The following PXDNL variants were observed in gnomAD, a reference collection of about 807,000 sequenced individuals.
PXDNL encodes probable oxidoreductase PXDNL.
PXDNL carries 145 observed loss-of-function variants against 150.8 expected under a neutral mutation model. That is an observed-to-expected ratio of 0.96 (90% CI 0.84 to 1.10). PXDNL has a LOEUF of 1.10. Among genes scored for constraint, PXDNL ranks in the 50% least tolerant of loss-of-function variants. The probability of loss-of-function intolerance (pLI) is 0.00; values close to 1 mark genes in which losing one functional copy is unlikely to be tolerated. For synonymous variants in PXDNL, 757 were observed against 725.7 expected (o/e 1.04, Z -0.69); for missense variants, 2,087 against 1,873.9 (o/e 1.11, Z -2.10).
At chr8:51,421,822 G>A (rs1487012009) in intron 14 of PXDNL, among the ~76,000 whole-genome samples, 1 of 152,174 alleles carries the variant, frequency 6.6e-6, no homozygotes, top group African/African-American at 2.4e-5. Flanking sequence ...TTACAATATG[G>A]ATACATTTTA....
intron 21 of PXDNL, among the ~76,000 whole-genome samples, chr8:51,329,390 G>A (rs1430406129): frequency 6.6e-6 from 1 of 152,108 alleles, no homozygotes; most frequent in African/African-American, 2.4e-5. Flanking sequence ...ACTAAACACA[G>A]CACAACAGTC....
At chr8:51,740,812 A>G (rs2036900082) in intron 1 of PXDNL, among the ~76,000 whole-genome samples, 1 of 152,158 alleles carries the variant, frequency 6.6e-6, no homozygotes, top group South Asian at 2.1e-4. Flanking sequence ...GATGAAGCTA[A>G]CTTGATCACG....
intron 2 of PXDNL, among the ~76,000 whole-genome samples, chr8:51,604,694 T>A (rs7817651): frequency 0.025 from 3,811 of 152,320 alleles, 174 homozygotes; most frequent in African/African-American, 0.087. Flanking sequence ...AATTTAGGCT[T>A]CTAAACAGTT....
chr8:51,617,045 T>C (rs1280229294), intron 2 of PXDNL, among the ~76,000 whole-genome samples: 1 of 152,184 alleles, frequency 6.6e-6, no homozygotes, highest in African/African-American at 2.4e-5. Context: ...TGTACTTACA[T>C]GTATATCTAA....
Position 51,345,817 on chromosome 8 carries a change from A to T in PXDNL, c.4016+16T>A, listed in dbSNP as rs536218034. The T allele has an allele frequency of 2.7e-6, 4 of 1,464,186 alleles. No individual in the cohort carries two copies. The highest frequency in any genetic ancestry group is 3.8e-6 in the Non-Finnish European group (4 of 1,048,220). The allele number at this position is 1,464,186 out of a possible 1,614,324, so 90.7% of individuals were successfully genotyped here. A position where few individuals can be genotyped will look rare whatever the true frequency, so the allele number is the denominator to read the frequency against. ...ATAGTAAGTTGCCTAAAGAAATGAG[A>T]TATTTCTATACATACCTACTTCTTA... On this transcript the variant is annotated intron_variant, in intron 20 of 22. Coordinates refer to ENST00000356297, the MANE Select transcript of PXDNL (RefSeq NM_144651.5).
chr8:51,543,366 A>G (rs116306835), intron 4 of PXDNL, among the ~76,000 whole-genome samples: 2,676 of 152,306 alleles, frequency 0.018, 83 homozygotes, highest in African/African-American at 0.06. Flanking sequence ...GTTGTCTAAA[A>G]AAGGTACTCT....
intron 17 of PXDNL, among the ~76,000 whole-genome samples, chr8:51,387,968 T>A (rs1274959168): frequency 6.6e-6 from 1 of 152,206 alleles, no homozygotes; most frequent in East Asian, 1.9e-4. Context: ...TTTAATGTTA[T>A]TCCCTGTAAA....
In PXDNL at chr8:51,581,914, A is replaced by G. The variant is rs116907438; in HGVS notation, c.308+10713T>C. Among the ~76,000 whole-genome samples the G allele has an allele frequency of 5.6e-4, 85 of 152,134 alleles. No homozygotes were observed. The East Asian group carries it at 0.015, about 27-fold the overall frequency. On this transcript the variant is annotated intron_variant, in intron 3 of 22. Transcript: ENST00000356297. ...ATTCATATGCCTGTTCAGATTTTCT[A>G]TTTCTCCCTCATCAATCTTTTTTTA...
intron 1 of PXDNL, among the ~76,000 whole-genome samples, chr8:51,753,946 C>T (rs2037071965): frequency 6.6e-6 from 1 of 152,178 alleles, no homozygotes; most frequent in Admixed American, 6.5e-5. Flanking sequence ...ATTAATATGC[C>T]TCTGGCCCTG....
intron 1 of PXDNL, among the ~76,000 whole-genome samples, chr8:51,702,298 T>C (rs77760795): frequency 0.051 from 7,802 of 152,214 alleles, 207 homozygotes; most frequent in African/African-American, 0.075. Context: ...CCGTAAGTGA[T>C]GGAATGCTGG....
chr8:51,461,319 G>C (rs1314888562), intron 8 of PXDNL, among the ~76,000 whole-genome samples: 1 of 152,238 alleles, frequency 6.6e-6, no homozygotes, highest in Non-Finnish European at 1.5e-5. Flanking sequence ...GGCTAGTATG[G>C]GAAGGGTGTG....
intron 19 of PXDNL, among the ~76,000 whole-genome samples, chr8:51,367,690 T>C (rs973434093): frequency 1.3e-5 from 2 of 152,132 alleles, no homozygotes; most frequent in South Asian, 2.1e-4. Flanking sequence ...GAATTACTTA[T>C]ATAACAGATA....
chr8:51,402,788 G>C (rs188640827), intron 17 of PXDNL, among the ~76,000 whole-genome samples: 22 of 152,144 alleles, frequency 1.4e-4, no homozygotes, highest in Middle Eastern at 3.4e-3. Context: ...GTGGCCAGGC[G>C]TGGTGTAATC....
intron 5 of PXDNL, among the ~76,000 whole-genome samples, chr8:51,486,578 G>T (rs1810742007): frequency 6.6e-6 from 1 of 151,158 alleles, no homozygotes; most frequent in Admixed American, 6.6e-5. Flanking sequence ...TTTGCATGGG[G>T]TGCAAAAATG....
At chr8:51,385,090 T>C (rs1028432747) in intron 17 of PXDNL, among the ~76,000 whole-genome samples, 1 of 152,144 alleles carries the variant, frequency 6.6e-6, no homozygotes, top group Non-Finnish European at 1.5e-5. Flanking sequence ...TATTGAACAA[T>C]AGCATGTTTG....
At chr8:51,328,135 G>A (rs1011915729) in intron 21 of PXDNL, among the ~76,000 whole-genome samples, 1 of 152,230 alleles carries the variant, frequency 6.6e-6, no homozygotes, top group Non-Finnish European at 1.5e-5. Flanking sequence ...GAGCAAGACT[G>A]ACTTCTCCAG....
chr8:51,445,965 C>A (rs35549900), intron 12 of PXDNL, among the ~76,000 whole-genome samples: 81,632 of 151,436 alleles, frequency 0.54, 25,993 homozygotes, highest in Non-Finnish European at 0.7. Flanking sequence ...TTTTTCCCCC[C>A]CGTAGAACCT....
chr8:51,633,747 T>A (rs1585634825), intron 2 of PXDNL, among the ~76,000 whole-genome samples: 1 of 152,192 alleles, frequency 6.6e-6, no homozygotes, highest in African/African-American at 2.4e-5. Context: ...CGTGGAGCAT[T>A]TTTTCATATG....
At chr8:51,529,994 A>G (rs566826181) in intron 4 of PXDNL, among the ~76,000 whole-genome samples, 82 of 152,268 alleles carry the variant, frequency 5.4e-4, no homozygotes, top group African/African-American at 1.9e-3. Context: ...ATCCCTAGGG[A>G]GGCAACTTCC....
Sources: allele counts gnomAD v4.1 joint callset (sites outside exome capture counted in the v4.1 genomes callset), GRCh38; gene constraint gnomAD v4.1.1; transcripts MANE v1.5; gene names NCBI Gene and HGNC (gene_info 2026-07-23, HGNC 2026-07-21).